Variants in MYO7B observed in about 807,000 individuals in gnomAD.
The protein encoded by MYO7B is myosin VIIB.
Under a neutral mutation model 259.7 loss-of-function variants are expected in MYO7B, and 212 were observed. The observed-to-expected ratio is 0.82, with a 90% CI of 0.73 to 0.91. The LOEUF (loss-of-function observed/expected upper bound fraction) is 0.91. Among genes scored for constraint, MYO7B ranks in the 40% least tolerant of loss-of-function variants. The pLI is 0.00. For missense variants in MYO7B, 2,732 were observed against 2,813.5 expected, an observed-to-expected ratio of 0.97 and a Z score of 0.66; for synonymous variants, 1,197 against 1,166.4, an observed-to-expected ratio of 1.03 and a Z score of -0.54.
intron 1 of MYO7B, among the ~76,000 whole-genome samples, chr2:127,538,330 G>A (rs775063393): frequency 2.6e-5 from 4 of 152,130 alleles, no homozygotes; most frequent in Non-Finnish European, 4.4e-5. Context: ...CTTCTGCACT[G>A]TCCAAAACAG....
At chr2:127,549,365 C>T (rs899071892) in intron 1 of MYO7B, among the ~76,000 whole-genome samples, 5 of 152,120 alleles carry the variant, frequency 3.3e-5, no homozygotes, top group African/African-American at 1.2e-4. Flanking sequence ...TGTACAGGTT[C>T]GTTACGTGGA....
chr2:127,595,419 G>A (rs555690804), intron 18 of MYO7B, among the ~76,000 whole-genome samples: 2 of 151,950 alleles, frequency 1.3e-5, no homozygotes, highest in African/African-American at 2.4e-5. Context: ...CAAAAAATCA[G>A]CTCCTGGATT....
rs892538530 is a variant in MYO7B at position 127,586,953 on chromosome 2, C to A, written c.1691-1439C>A. Among the ~76,000 whole-genome samples the A allele has an allele frequency of 2.6e-5, 4 of 152,244 alleles. No homozygotes were observed. Among genetic ancestry groups the A allele is most frequent in the Admixed American group, 2.6e-4 (4 of 15,304 alleles). On this transcript the variant is annotated intron_variant, in intron 14 of 47. Transcript: ENST00000409816. The surrounding 1 kb of genome is among the most constrained non-coding windows in gnomAD (Gnocchi z 4.8). The stretch of plus-strand genomic sequence containing the variant: ...GAGTGTCCACCCCCTGCCCAGCACC[C>A]AGTGCAGCCCCCCTGGTGCTGCTCC...
chr2:127,633,197 CTGGGGCA>C (rs1471093966), intron 39 of MYO7B, 54 bp from the exon 40 acceptor site: 9 of 1,320,836 alleles, frequency 6.8e-6, no homozygotes, highest in Non-Finnish European at 8.5e-6. Context: ...CACATCGGGG[CTGGGGCA>C]TGGGTGAGGA....
Position 127,631,246 on chromosome 2 carries a change from C to CTGGCCCGTGCCCG in MYO7B, c.4984_4996dup (p.His1666ProfsTer173). ...CATGGTGAGCATGGCCGTGCTGCCC[C>CTGGCCCGTGCCCG]TGGCCCGTGCCCGTGGCCACCTGTG... On this transcript the variant is annotated frameshift_variant, in exon 37 of 48. Transcript: ENST00000409816. LOFTEE classifies it high-confidence loss of function. 6.2e-7 allele frequency: 1 copy of CTGGCCCGTGCCCG among 1,610,794 alleles called. No individual in the cohort carries two copies. The highest frequency in any genetic ancestry group is 8.5e-7 in the Non-Finnish European group (1 of 1,178,472).
chr2:127,631,181 C>A, intron 36 of MYO7B, 25 bp from the exon 37 acceptor site: 1 of 1,573,570 alleles, frequency 6.4e-7, no homozygotes, highest in East Asian at 2.3e-5. Context: ...CAGGGCAGGC[C>A]TCACACCAGC....
chr2:127,573,517 T>C (rs1678733563), intron 6 of MYO7B, among the ~76,000 whole-genome samples: 1 of 152,212 alleles, frequency 6.6e-6, no homozygotes, highest in African/African-American at 2.4e-5. Context: ...CTTTCTAAGC[T>C]GTGAATCTGC....
Position 127,625,419 on chromosome 2 carries a change from G to A in MYO7B, c.4099G>A (p.Ala1367Thr), listed in dbSNP as rs147713893. The change falls in exon 31 of 48, where the codon GCC (alanine) becomes ACC (threonine). Residue 1367 changes from alanine to threonine, a missense_variant. Around this residue, in one of 3 missense-constraint regions of MYO7B, gnomAD observed 1,906 missense variants for 2,026.4 expected, o/e 0.94. Coordinates refer to ENST00000409816, the MANE Select transcript of MYO7B (RefSeq NM_001393586.1). The part of the protein sequence containing the change: ...LARHCYVQLG[A>T]SAESKAVQEL... ...CCGGCACTGCTACGTGCAGCTCGGC[G>A]CCTCAGCAGAGAGCAAGGCTGTCCA... 2.5e-4 allele frequency: 404 copies of A among 1,609,810 alleles called. 1 individual carries two copies. The East Asian group carries it at 6.6e-3, about 26-fold the overall frequency.
At chr2:127,555,624 T>C (rs1020326500) in intron 1 of MYO7B, among the ~76,000 whole-genome samples, 2 of 152,216 alleles carry the variant, frequency 1.3e-5, no homozygotes, top group East Asian at 3.8e-4. Context: ...TGAAGCATTT[T>C]TAAATTTCCA....
Position 127,627,516 on chromosome 2 carries a change from T to G in MYO7B, c.4460+206T>G. The G allele has an allele frequency of 1.3e-6, 1 of 751,448 alleles. No homozygotes were observed. 46.5% of individuals were successfully genotyped at this position (751,448 alleles called of 1,614,324 possible). A position where few individuals can be genotyped will look rare whatever the true frequency, so the allele number is the denominator to read the frequency against. ...CCGTACTGCCCATGAAGTACTCCAT[T>G]GGGGCATCACGCGTTGCACTGGCAG... On this transcript the variant is annotated intron_variant, in intron 33 of 47. Transcript: ENST00000409816. This position sits in a 1 kb window ranked among gnomAD's most constrained non-coding sequence, Gnocchi z 5.6.
At position 127,577,854 on chromosome 2, in the gene MYO7B, C is replaced by T. The variant is rs748625088; in HGVS notation, c.850-279C>T. Among the ~76,000 whole-genome samples the T allele has an allele frequency of 6.6e-6, 1 of 152,172 alleles. No homozygotes were observed. Among genetic ancestry groups the T allele is most frequent in the Non-Finnish European group, 1.5e-5 (1 of 68,030 alleles). Reference sequence around the variant, plus strand: ...AAACCCACAGTGTCCCCCAGAGAGACAAGGCAAGCTCGAGTAGGGACGAAC... The same window carrying T: ...AAACCCACAGTGTCCCCCAGAGAGATAAGGCAAGCTCGAGTAGGGACGAAC... On this transcript the variant is annotated intron_variant, in intron 8 of 47. Transcript: ENST00000409816. This position sits in a 1 kb window ranked among gnomAD's most constrained non-coding sequence, Gnocchi z 5.2.
intron 30 of MYO7B, among the ~76,000 whole-genome samples, chr2:127,624,915 G>C (rs773347821): frequency 6.6e-6 from 1 of 152,184 alleles, no homozygotes; most frequent in Non-Finnish European, 1.5e-5. Context: ...CAGGAAGCCC[G>C]CCTGGAAGAG....
At chr2:127,624,418 G>T (rs1395800987) in intron 30 of MYO7B, 98 bp downstream of exon 30, 9 of 1,108,408 alleles carry the variant, frequency 8.1e-6, no homozygotes, top group African/African-American at 1.6e-5. Flanking sequence ...GGTAGAAGGT[G>T]GGGGGGCAGG....
chr2:127,582,719 T>C (rs1341554539), intron 12 of MYO7B, among the ~76,000 whole-genome samples: 1 of 139,558 alleles, frequency 7.2e-6, no homozygotes, highest in Non-Finnish European at 1.6e-5. Flanking sequence ...GAGTGGATTA[T>C]CACACGAGGT....
intron 9 of MYO7B, among the ~76,000 whole-genome samples, chr2:127,580,366 T>C (rs1265333284): frequency 6.6e-6 from 1 of 152,174 alleles, no homozygotes; most frequent in African/African-American, 2.4e-5. Flanking sequence ...TAACGAAATG[T>C]CCGGGTTTCC....
Position 127,623,338 on chromosome 2 carries a change from A to C in MYO7B, c.3782A>C (p.His1261Pro), listed in dbSNP as rs748149427. 3.7e-6 allele frequency: 6 copies of C among 1,608,224 alleles called. No homozygotes were observed. In the East Asian group the frequency reaches 1.3e-4, roughly 36 times the overall value. ...HIAHKQGLSD[H>P]LGFSLQVAVY... is the part of the protein sequence containing the mutation. Reference sequence around the variant, plus strand: ...GCTCACAAGCAGGGCCTCAGCGACCACCTGGGCTTCTCCCTCCAGGTCGCC... The same window carrying C: ...GCTCACAAGCAGGGCCTCAGCGACCCCCTGGGCTTCTCCCTCCAGGTCGCC... The change falls in exon 29 of 48, where the codon CAC (histidine) becomes CCC (proline). Residue 1261 changes from histidine to proline, a missense_variant. This residue lies in a region of MYO7B where 1,906 missense variants were observed against 2,026.4 expected (regional missense o/e 0.94). Transcript: ENST00000409816.
chr2:127,592,677 G>A, intron 16 of MYO7B, 117 bp from the exon 17 acceptor site: 2 of 1,322,630 alleles, frequency 1.5e-6, no homozygotes, highest in Non-Finnish European at 2.1e-6. Flanking sequence ...GGGCGGGGCG[G>A]GGGGCTGGAC....
chr2:127,636,188 C>T lies in MYO7B; in HGVS notation c.6007-20C>T. The T allele has an allele frequency of 6.3e-7, 1 of 1,593,582 alleles. No homozygotes were observed. The highest frequency in any genetic ancestry group is 8.6e-7 in the Non-Finnish European group (1 of 1,163,410). On this transcript the variant is annotated intron_variant, in intron 44 of 47. Transcript: ENST00000409816. This position sits in a 1 kb window ranked among gnomAD's most constrained non-coding sequence, Gnocchi z 4.5. ...GGGCCTCTGGGCACCCAAGTCCTTA[C>T]TGGCCCTCCTGTCCCCCAGAGCATC...
At chr2:127,630,978 C>G in intron 36 of MYO7B, 70 bp downstream of exon 36, 1 of 1,464,050 alleles carries the variant, frequency 6.8e-7, no homozygotes, top group Non-Finnish European at 9.3e-7. Flanking sequence ...ATTGCACCCC[C>G]TGCTCCCAGC....
Sources: gnomAD v4.1 joint callset for allele counts (sites outside exome capture counted in the v4.1 genomes callset) on GRCh38, gnomAD v4.1.1 for gene constraint, gnomAD v4.1.1 regional missense constraint, Gnocchi (gnomAD v3.1) non-coding constraint, MANE v1.5 for transcripts, NCBI Gene and HGNC (gene_info 2026-07-23, HGNC 2026-07-21) for gene names.